Variants in SMC1B observed in about 807,000 individuals in gnomAD.
SMC1B encodes the protein structural maintenance of chromosomes protein 1B.
SMC1B carries 60 observed loss-of-function variants against 157.9 expected under a neutral mutation model. The observed-to-expected ratio is 0.38, with a 90% confidence interval of 0.31 to 0.47. SMC1B has a LOEUF of 0.47. SMC1B is among the 20% of genes least tolerant of loss of function. The pLI, the probability that SMC1B is intolerant of heterozygous loss-of-function variation, is 0.99. For missense variants in SMC1B, 1,165 were observed against 1,426.2 expected (o/e 0.82, Z 2.95); for synonymous variants, 445 against 483.0 (o/e 0.92, Z 1.03).
intron 6 of SMC1B, among the ~76,000 whole-genome samples, chr22:45,398,040 G>A (rs1229028811): frequency 1.3e-5 from 2 of 152,162 alleles, no homozygotes; most frequent in East Asian, 1.9e-4. Flanking sequence ...GCAGTGGTGG[G>A]GCCGAGCAAG....
At chr22:45,367,107 G>A (rs1037476038) in intron 15 of SMC1B, among the ~76,000 whole-genome samples, 1 of 152,162 alleles carries the variant, frequency 6.6e-6, no homozygotes, top group South Asian at 2.1e-4. Flanking sequence ...AGTCTCACTA[G>A]GCTCAGTTAC....
In SMC1B at chr22:45,372,041, T is replaced by C. The variant is rs1018949261; in HGVS notation, c.2196+114A>G. 6.7e-6 allele frequency: 6 copies of C among 900,214 alleles called. No individual in the cohort carries two copies. In the African/African-American group the frequency reaches 1.0e-4, roughly 16 times the overall value. The allele number at this position is 900,214 out of a possible 1,614,324, so 55.8% of individuals were successfully genotyped here. A position where few individuals can be genotyped will look rare whatever the true frequency, so the allele number is the denominator to read the frequency against. ...CTGGGTGACAGAGTGAGAGACTCTG[T>C]CTCAGGAAAAAAAAAAAAGTATCTG... On this transcript the variant is annotated intron_variant, in intron 13 of 24. Coordinates refer to ENST00000357450, the MANE Select transcript of SMC1B (RefSeq NM_148674.5).
At position 45,402,431 on chromosome 22, in the gene SMC1B, T is replaced by G; in HGVS notation, c.756A>C (p.Lys252Asn). The G allele has an allele frequency of 6.2e-7, 1 of 1,614,026 alleles. No homozygotes were observed. Among genetic ancestry groups the G allele is most frequent in the Non-Finnish European group, 8.5e-7 (1 of 1,179,958 alleles). ...TTTCATGATGAGACAAAGACTCTCT[T>G]TTGACACTCAAATCCCTATTCACAT... is the stretch of plus-strand genomic sequence containing the variant. ...LEHVNRDLSV[K>N]RESLSHHENI... Residue 252 changes from lysine to asparagine, a missense_variant, in exon 5 of 25, where the codon AAA (lysine) becomes AAC (asparagine). Transcript: ENST00000357450.
At position 45,344,434 on chromosome 22, in the gene SMC1B, A is replaced by G. The variant is rs1569169166; in HGVS notation, c.*122T>C. The G allele has an allele frequency of 3.1e-6, 2 of 641,366 alleles. No homozygotes were observed. The highest frequency in any genetic ancestry group is 5.5e-6 in the Non-Finnish European group (2 of 362,700). 39.7% of individuals were successfully genotyped at this position (641,366 alleles called of 1,614,324 possible). On this transcript the variant is annotated 3_prime_UTR_variant, in exon 25 of 25. Coordinates refer to ENST00000357450, the MANE Select transcript of SMC1B (RefSeq NM_148674.5). ...ACAGCCTCTTTGGCTAGAACGACTAAGGTTTCTCTTAAAGGGTGCACCAGG... is the reference window on the plus strand; with the variant it reads ...ACAGCCTCTTTGGCTAGAACGACTAGGGTTTCTCTTAAAGGGTGCACCAGG...
At chr22:45,397,123 A>G (rs933790049) in intron 6 of SMC1B, among the ~76,000 whole-genome samples, 2 of 107,576 alleles carry the variant, frequency 1.9e-5, no homozygotes, top group Non-Finnish European at 3.4e-5. Context: ...TTATAACTAT[A>G]TAAGTAGAAA....
At chr22:45,379,890 G>A (rs1236439728) in intron 12 of SMC1B, among the ~76,000 whole-genome samples, 5 of 151,474 alleles carry the variant, frequency 3.3e-5, no homozygotes, top group African/African-American at 7.3e-5. Context: ...AGGCCACCAC[G>A]CCCAGCTAAT....
intron 11 of SMC1B, among the ~76,000 whole-genome samples, chr22:45,385,546 C>G (rs1195682676): frequency 6.6e-6 from 1 of 151,922 alleles, no homozygotes; most frequent in African/African-American, 2.4e-5. Context: ...TTTTGAAATA[C>G]TGATAAAAAT....
chr22:45,349,907 A>G, intron 22 of SMC1B, 110 bp from the exon 23 acceptor site: 1 of 850,432 alleles, frequency 1.2e-6, no homozygotes, highest in South Asian at 1.7e-5. Flanking sequence ...TCTTTTGGAT[A>G]TTTCTAAGTA....
intron 4 of SMC1B, among the ~76,000 whole-genome samples, chr22:45,405,922 C>T (rs910257839): frequency 2.6e-5 from 4 of 152,130 alleles, no homozygotes; most frequent in African/African-American, 9.7e-5. Context: ...TCAAGCTAGA[C>T]ATTAAGGAAA....
intron 12 of SMC1B, among the ~76,000 whole-genome samples, chr22:45,381,194 T>C (rs1290587550): frequency 6.6e-6 from 1 of 152,286 alleles, no homozygotes; most frequent in East Asian, 1.9e-4. Flanking sequence ...TCCATTACTT[T>C]TTTTGTTCAA....
At chr22:45,363,212 T>C (rs947184294) in intron 15 of SMC1B, among the ~76,000 whole-genome samples, 186 bp from the exon 16 acceptor site, 3 of 152,216 alleles carry the variant, frequency 2.0e-5, no homozygotes, top group Non-Finnish European at 2.9e-5. Context: ...ACTCCACTAA[T>C]TGACCCTCCC....
At chr22:45,409,770 G>C (rs1320521973) in intron 1 of SMC1B, among the ~76,000 whole-genome samples, 1 of 152,118 alleles carries the variant, frequency 6.6e-6, no homozygotes, top group African/African-American at 2.4e-5. Context: ...ATTTGGATTT[G>C]GATGTTGGGA....
intron 15 of SMC1B, among the ~76,000 whole-genome samples, chr22:45,364,143 C>T (rs1020205869): frequency 6.6e-6 from 1 of 152,180 alleles, no homozygotes; most frequent in Non-Finnish European, 1.5e-5. Flanking sequence ...GCCACCGCGC[C>T]TGGCCCAAAT....
chr22:45,399,669 G>C (rs951626299), intron 5 of SMC1B, among the ~76,000 whole-genome samples: 3 of 152,106 alleles, frequency 2.0e-5, no homozygotes, highest in African/African-American at 7.2e-5. Context: ...AGGAGGCTAA[G>C]GGATCCTATA....
intron 23 of SMC1B, among the ~76,000 whole-genome samples, chr22:45,346,205 TAAC>T (rs750933958): frequency 7.2e-5 from 11 of 152,182 alleles, no homozygotes; most frequent in Non-Finnish European, 1.0e-4. Context: ...AGACTCCATC[TAAC>T]AACAAGAAGA....
intron 20 of SMC1B, 131 bp downstream of exon 20, chr22:45,354,828 A>G: frequency 2.8e-6 from 2 of 725,404 alleles, no homozygotes. Context: ...TTAAAAGCAC[A>G]CATTAATATA....
intron 12 of SMC1B, among the ~76,000 whole-genome samples, chr22:45,376,807 C>A (rs2086888234): frequency 6.6e-6 from 1 of 151,942 alleles, no homozygotes; most frequent in Non-Finnish European, 1.5e-5. Flanking sequence ...TGGCTTTGAT[C>A]CTCATGTTTG....
intron 15 of SMC1B, among the ~76,000 whole-genome samples, chr22:45,367,300 C>T (rs547125199): frequency 3.9e-5 from 6 of 152,046 alleles, no homozygotes; most frequent in Admixed American, 6.6e-5. Flanking sequence ...CTTTTTTCCC[C>T]GCTGATAGGC....
intron 1 of SMC1B, 151 bp from the exon 2 acceptor site, chr22:45,409,049 G>A (rs1219507004): frequency 5.6e-6 from 3 of 535,724 alleles, no homozygotes; most frequent in Non-Finnish European, 9.9e-6. Context: ...TGAAATATTT[G>A]ATGTAGATAA....
Sources: allele counts gnomAD v4.1 joint callset (sites outside exome capture counted in the v4.1 genomes callset), GRCh38; gene constraint gnomAD v4.1.1; transcripts MANE v1.5; gene names NCBI Gene and HGNC (gene_info 2026-07-23, HGNC 2026-07-21).